R3HDM2: variants seen among roughly 807,000 people sequenced by gnomAD.
R3HDM2 encodes the protein R3H domain containing 2.
A neutral mutation model predicts 124.5 loss-of-function variants in R3HDM2; 38 were observed. That is an observed-to-expected ratio of 0.31 (90% CI 0.24 to 0.40). R3HDM2 has a LOEUF of 0.40. Ranked by LOEUF, R3HDM2 falls within the 10% of genes least tolerant of loss-of-function variation. The pLI, the probability that R3HDM2 is intolerant of heterozygous loss-of-function variation, is 1.00. For synonymous variants in R3HDM2, 391 were observed against 448.0 expected (o/e 0.87, Z 1.61); for missense variants, 869 against 1,236.9 (o/e 0.70, Z 4.46).
intron 1 of R3HDM2, among the ~76,000 whole-genome samples, chr12:57,425,167 G>A (rs2070612400): frequency 6.6e-6 from 1 of 152,022 alleles, no homozygotes; most frequent in Admixed American, 6.6e-5. Flanking sequence ...AGCTACTGGG[G>A]AGGCTGAGGC....
At chr12:57,426,880 A>G (rs1211463391) in intron 1 of R3HDM2, among the ~76,000 whole-genome samples, 1 of 152,220 alleles carries the variant, frequency 6.6e-6, no homozygotes, top group Non-Finnish European at 1.5e-5. Context: ...TCACGATGAA[A>G]AATTCATGGA....
At chr12:57,345,123 T>G (rs758020522) in intron 2 of R3HDM2, among the ~76,000 whole-genome samples, 3 of 151,766 alleles carry the variant, frequency 2.0e-5, no homozygotes, top group Non-Finnish European at 4.4e-5. Context: ...CATGAGCCAC[T>G]GCAACTGGCC....
At chr12:57,279,824 G>T (rs201079978) in intron 14 of R3HDM2, among the ~76,000 whole-genome samples, 1 of 151,996 alleles carries the variant, frequency 6.6e-6, no homozygotes, top group Non-Finnish European at 1.5e-5. Flanking sequence ...GAAGGAGAAG[G>T]ATACAGCCCT....
intron 2 of R3HDM2, among the ~76,000 whole-genome samples, chr12:57,382,286 G>T (rs1048561974): frequency 8.0e-4 from 114 of 143,032 alleles, no homozygotes; most frequent in Non-Finnish European, 1.5e-4. Flanking sequence ...GGCTAATTTG[G>T]TTTTTTTTTT....
chr12:57,323,692 C>T (rs2056824668), intron 2 of R3HDM2, among the ~76,000 whole-genome samples: 1 of 152,184 alleles, frequency 6.6e-6, no homozygotes. Flanking sequence ...TATGGCTGTA[C>T]TTGCCTTAAA....
intron 19 of R3HDM2, among the ~76,000 whole-genome samples, chr12:57,259,950 C>T (rs1439182162): frequency 6.6e-6 from 1 of 151,986 alleles, no homozygotes; most frequent in African/African-American, 2.4e-5. Context: ...GAGAGACCAG[C>T]AGCAAGAAAG....
intron 14 of R3HDM2, chr12:57,272,346 C>A: frequency 1.1e-6 from 1 of 938,394 alleles, no homozygotes; most frequent in Non-Finnish European, 1.7e-6. Flanking sequence ...TTCAATATGC[C>A]CTCCAAAAGC....
intron 14 of R3HDM2, among the ~76,000 whole-genome samples, chr12:57,274,553 GAGA>G (rs2044261577): frequency 1.3e-5 from 2 of 152,238 alleles, no homozygotes; most frequent in African/African-American, 4.8e-5. Flanking sequence ...AGAGTAAAGT[GAGA>G]AGAAGTGATG....
chr12:57,381,962 T>C (rs2064949833), intron 2 of R3HDM2, among the ~76,000 whole-genome samples: 1 of 151,570 alleles, frequency 6.6e-6, no homozygotes, highest in South Asian at 2.1e-4. Context: ...ACTATACACA[T>C]GCACCACCAT....
intron 2 of R3HDM2, among the ~76,000 whole-genome samples, chr12:57,350,833 G>A (rs1275233496): frequency 6.6e-6 from 1 of 152,008 alleles, no homozygotes; most frequent in Non-Finnish European, 1.5e-5. Flanking sequence ...AGGTGCAGTG[G>A]TTCACGCCTG....
chr12:57,338,324 A>C (rs1361482516), intron 2 of R3HDM2, among the ~76,000 whole-genome samples: 2 of 148,422 alleles, frequency 1.3e-5, no homozygotes, highest in African/African-American at 4.9e-5. Flanking sequence ...ACAAAAACAA[A>C]AACAACACGC....
At chr12:57,315,811 T>C (rs939856460) in intron 2 of R3HDM2, among the ~76,000 whole-genome samples, 2 of 152,224 alleles carry the variant, frequency 1.3e-5, no homozygotes, top group African/African-American at 2.4e-5. Context: ...CTCATTTAAC[T>C]ACCCACTTTT....
chr12:57,414,553 G>A (rs1195060728), intron 1 of R3HDM2, among the ~76,000 whole-genome samples: 4 of 144,662 alleles, frequency 2.8e-5, no homozygotes, highest in East Asian at 2.1e-4. Flanking sequence ...GAAGCAGGCC[G>A]GGTGCGGTGT....
chr12:57,392,046 C>T (rs2066766632), intron 2 of R3HDM2, among the ~76,000 whole-genome samples: 1 of 152,126 alleles, frequency 6.6e-6, no homozygotes, highest in Non-Finnish European at 1.5e-5. Context: ...ACCTGTAATC[C>T]CAGCAATTTG....
At chr12:57,392,306 A>G (rs2066812912) in intron 2 of R3HDM2, among the ~76,000 whole-genome samples, 1 of 152,232 alleles carries the variant, frequency 6.6e-6, no homozygotes, top group Non-Finnish European at 1.5e-5. Context: ...CAAATTTTCC[A>G]TGGACAGTAA....
chr12:57,372,054 A>G (rs1043235257), intron 2 of R3HDM2, among the ~76,000 whole-genome samples: 1 of 152,110 alleles, frequency 6.6e-6, no homozygotes, highest in Non-Finnish European at 1.5e-5. Flanking sequence ...TTTAGTAGAG[A>G]TGAGGTTTCT....
chr12:57,274,892 CA>C (rs1222064382), intron 14 of R3HDM2, among the ~76,000 whole-genome samples: 1 of 152,030 alleles, frequency 6.6e-6, no homozygotes, highest in Non-Finnish European at 1.5e-5. Flanking sequence ...ACCATACTGC[CA>C]AAAGCAATCT....
intron 2 of R3HDM2, among the ~76,000 whole-genome samples, chr12:57,339,611 C>A (rs1347256546): frequency 1.3e-5 from 2 of 151,420 alleles, no homozygotes; most frequent in African/African-American, 4.9e-5. Flanking sequence ...GGCAGGAGAA[C>A]TGCTTGAACC....
intron 21 of R3HDM2, among the ~76,000 whole-genome samples, chr12:57,257,203 G>A (rs749622173): frequency 3.9e-5 from 6 of 152,176 alleles, no homozygotes; most frequent in Non-Finnish European, 8.8e-5. Flanking sequence ...TATAAGCACA[G>A]TAGACAAGAG....
Sources: gnomAD v4.1 joint callset for allele counts (sites outside exome capture counted in the v4.1 genomes callset) on GRCh38, gnomAD v4.1.1 for gene constraint, MANE v1.5 for transcripts, NCBI Gene and HGNC (gene_info 2026-07-23, HGNC 2026-07-21) for gene names.